CNTNAP2: variants seen among roughly 807,000 people sequenced by gnomAD.
The protein encoded by CNTNAP2 is contactin-associated protein-like 2.
CNTNAP2 carries 98 observed loss-of-function variants against 155.2 expected under a neutral mutation model. That is an observed-to-expected ratio of 0.63 (90% CI 0.54 to 0.75). The LOEUF is 0.75. Among genes scored for constraint, CNTNAP2 ranks in the 30% least tolerant of loss-of-function variants. The pLI is 0.00. For synonymous variants in CNTNAP2, 651 were observed against 631.2 expected (o/e 1.03, Z -0.47); for missense variants, 1,727 against 1,688.1 (o/e 1.02, Z -0.40).
chr7:147,007,912 TTC>T (rs1315151566), intron 3 of CNTNAP2, among the ~76,000 whole-genome samples: 1 of 152,082 alleles, frequency 6.6e-6, no homozygotes, highest in Non-Finnish European at 1.5e-5. Flanking sequence ...ATAAATGAAC[TTC>T]TCTCCCTAAT....
At chr7:146,373,092 G>A (rs1288397653) in intron 1 of CNTNAP2, among the ~76,000 whole-genome samples, 1 of 152,162 alleles carries the variant, frequency 6.6e-6, no homozygotes, top group Admixed American at 6.5e-5. Context: ...CCACTTCGCT[G>A]TACTTCAGAA....
intron 1 of CNTNAP2, among the ~76,000 whole-genome samples, chr7:146,601,068 T>C (rs1282734020): frequency 6.6e-6 from 1 of 152,116 alleles, no homozygotes; most frequent in Non-Finnish European, 1.5e-5. Flanking sequence ...AAACAACTAA[T>C]TTTCCCATTT....
At chr7:148,040,116 T>C (rs1802643129) in intron 15 of CNTNAP2, among the ~76,000 whole-genome samples, 1 of 152,220 alleles carries the variant, frequency 6.6e-6, no homozygotes, top group Non-Finnish European at 1.5e-5. Flanking sequence ...TAAAATTCAC[T>C]TGTTGCCCTT....
chr7:146,299,726 C>G (rs116547062), intron 1 of CNTNAP2, among the ~76,000 whole-genome samples: 2 of 151,888 alleles, frequency 1.3e-5, no homozygotes, highest in African/African-American at 2.4e-5. Flanking sequence ...TAGTATATTC[C>G]GCAATTATGG....
chr7:146,899,486 C>T (rs1451550209), intron 3 of CNTNAP2, among the ~76,000 whole-genome samples: 3 of 134,980 alleles, frequency 2.2e-5, no homozygotes, highest in Non-Finnish European at 3.4e-5. Context: ...CTCTCTTTCA[C>T]TTTCCCTGCA....
At chr7:148,362,797 G>A (rs753962038) in intron 21 of CNTNAP2, among the ~76,000 whole-genome samples, 10 of 152,126 alleles carry the variant, frequency 6.6e-5, no homozygotes, top group East Asian at 1.9e-4. Flanking sequence ...ATGTTTCAAC[G>A]TTTAAAGGGA....
chr7:147,352,281 A>G (rs1313232072), intron 9 of CNTNAP2, among the ~76,000 whole-genome samples: 1 of 152,008 alleles, frequency 6.6e-6, no homozygotes, highest in Non-Finnish European at 1.5e-5. Context: ...AATAATTTGT[A>G]ACACTGTGTT....
At chr7:146,985,914 T>C (rs1037196915) in intron 3 of CNTNAP2, among the ~76,000 whole-genome samples, 1 of 152,282 alleles carries the variant, frequency 6.6e-6, no homozygotes, top group African/African-American at 2.4e-5. Context: ...AGTCTGTTTT[T>C]AAAATCTTAA....
chr7:147,411,911 A>G (rs1584933388), intron 10 of CNTNAP2, among the ~76,000 whole-genome samples: 2 of 152,330 alleles, frequency 1.3e-5, no homozygotes, highest in Middle Eastern at 3.4e-3. Context: ...TATAAATAGT[A>G]AAAAAGTGCA....
intron 13 of CNTNAP2, among the ~76,000 whole-genome samples, chr7:147,746,375 GT>G (rs1413324805): frequency 6.6e-6 from 1 of 152,180 alleles, no homozygotes; most frequent in Non-Finnish European, 1.5e-5. Context: ...AGTAGAGACA[GT>G]CCATAAATAT....
At chr7:146,561,746 C>T (rs10282256) in intron 1 of CNTNAP2, among the ~76,000 whole-genome samples, 116,384 of 152,046 alleles carry the variant, frequency 0.77, 45,033 homozygotes, top group South Asian at 0.89. Context: ...TATGAAATTC[C>T]GGCAACTTTT....
chr7:147,135,078 T>C (rs1384828480), intron 8 of CNTNAP2, among the ~76,000 whole-genome samples: 1 of 151,866 alleles, frequency 6.6e-6, no homozygotes, highest in African/African-American at 2.4e-5. Flanking sequence ...AAAAACCTTT[T>C]TTTCCATCTT....
intron 20 of CNTNAP2, among the ~76,000 whole-genome samples, chr7:148,239,929 T>G (rs1250058792): frequency 2.6e-5 from 4 of 152,174 alleles, no homozygotes; most frequent in African/African-American, 9.7e-5. Context: ...TAAAGCCACA[T>G]GGGGTCCCTA....
At chr7:147,838,128 C>T (rs1798662870) in intron 13 of CNTNAP2, among the ~76,000 whole-genome samples, 1 of 152,196 alleles carries the variant, frequency 6.6e-6, no homozygotes, top group South Asian at 2.1e-4. Context: ...AAACCATTGT[C>T]CAACCTGTAC....
intron 10 of CNTNAP2, among the ~76,000 whole-genome samples, chr7:147,414,668 G>A (rs1341521889): frequency 6.6e-6 from 1 of 151,832 alleles, no homozygotes; most frequent in Non-Finnish European, 1.5e-5. Context: ...TCTCCCAGGT[G>A]CGGTGGCTCA....
intron 3 of CNTNAP2, among the ~76,000 whole-genome samples, chr7:146,856,285 GATAGATAGATAGATACATACATAC>G (rs1229111946): frequency 6.6e-4 from 52 of 78,208 alleles, no homozygotes; most frequent in African/African-American, 2.7e-3. Flanking sequence ...TAGATAGATA[GATAGATAGATAGATACATACATAC>G]ATACATACAT....
intron 3 of CNTNAP2, among the ~76,000 whole-genome samples, chr7:146,864,248 C>T (rs1795159612): frequency 1.3e-5 from 2 of 152,070 alleles, no homozygotes; most frequent in South Asian, 4.2e-4. Flanking sequence ...TATATAAAGA[C>T]AATACCTTAT....
At chr7:146,297,330 T>G (rs183280399) in intron 1 of CNTNAP2, among the ~76,000 whole-genome samples, 1 of 152,276 alleles carries the variant, frequency 6.6e-6, no homozygotes, top group Non-Finnish European at 1.5e-5. Context: ...CATTAAGTTT[T>G]ATTGAACTAA....
At chr7:147,396,205 A>T (rs2116455509) in intron 10 of CNTNAP2, among the ~76,000 whole-genome samples, 1 of 148,664 alleles carries the variant, frequency 6.7e-6, no homozygotes, top group East Asian at 2.0e-4. Context: ...ATATGTGATA[A>T]AACACACTGT....
Sources: allele counts gnomAD v4.1 joint callset (sites outside exome capture counted in the v4.1 genomes callset), GRCh38; gene constraint gnomAD v4.1.1; transcripts MANE v1.5; gene names NCBI Gene and HGNC (gene_info 2026-07-23, HGNC 2026-07-21).